Variants in LMF1 observed in about 807,000 individuals in gnomAD.
LMF1 encodes the protein transmembrane protein 112.
In LMF1, 68 loss-of-function variants were observed where a neutral mutation model predicts 60.6. The observed-to-expected ratio is 1.12, with a 90% CI of 0.92 to 1.37. The LOEUF is 1.37. Ranked by LOEUF, LMF1 falls within the 40% of genes most tolerant of loss-of-function variation. The pLI is 0.00. For missense variants in LMF1, 948 were observed against 767.2 expected (o/e 1.24, Z -2.78); for synonymous variants, 418 against 324.7 (o/e 1.29, Z -3.09).
At chr16:886,888 CCCCAGGCCCGGCACTGCCCTTCCTT>C (rs2070323431) in intron 5 of LMF1, 1 of 138,328 alleles carries the variant, frequency 7.2e-6, no homozygotes, top group Non-Finnish European at 1.6e-5. Context: ...CCCCGGCATT[CCCCAGGCCCGGCACTGCCCTTCCTT>C]CCCAGCCCCC....
chr16:910,344 AC>A (rs2071075968), intron 4 of LMF1, among the ~76,000 whole-genome samples: 1 of 151,764 alleles, frequency 6.6e-6, no homozygotes, highest in African/African-American at 2.4e-5. Context: ...GGAACCCGCC[AC>A]CCCCACCCCG....
chr16:870,703 GGGGGAC>G lies in LMF1; in HGVS notation c.1232+20_1232+25del. 1 of 1,611,464 alleles carries G rather than the reference GGGGGAC, an allele frequency of 6.2e-7. No homozygotes were observed. Among genetic ancestry groups the G allele is most frequent in the Non-Finnish European group, 8.5e-7 (1 of 1,179,370 alleles). Reference sequence around the variant, plus strand: ...TGAGTCTCCCCATATACCCAGCTCCGGGGGACGGGGACCCCAGGCTCATACCTTCCG... The same window carrying G: ...TGAGTCTCCCCATATACCCAGCTCCGGGGGACCCCAGGCTCATACCTTCCG... On this transcript the variant is annotated intron_variant, in intron 8 of 10. Transcript: ENST00000262301.
At chr16:909,958 T>A (rs140068966) in intron 4 of LMF1, among the ~76,000 whole-genome samples, 159 of 152,374 alleles carry the variant, frequency 1.0e-3, no homozygotes, top group African/African-American at 3.7e-3. Context: ...TCTTCGTACG[T>A]CTTCAGCGAA....
intron 7 of LMF1, 28 bp downstream of exon 7, chr16:871,133 G>C: frequency 1.3e-6 from 2 of 1,538,030 alleles, no homozygotes; most frequent in Non-Finnish European, 1.8e-6. Context: ...CCTGCCCTTG[G>C]GCAGGGGCCC....
At chr16:918,041 C>A (rs573127331) in intron 3 of LMF1, among the ~76,000 whole-genome samples, 2 of 152,196 alleles carry the variant, frequency 1.3e-5, no homozygotes, top group African/African-American at 4.8e-5. Flanking sequence ...TGGCGCGGGG[C>A]GGCTGGCTGG....
At chr16:957,738 G>A (rs990399269) in intron 1 of LMF1, among the ~76,000 whole-genome samples, 4 of 152,306 alleles carry the variant, frequency 2.6e-5, no homozygotes, top group Non-Finnish European at 2.9e-5. Context: ...AGGAAGAGCC[G>A]CAGAACTCAA....
At chr16:918,132 C>T (rs759467263) in intron 3 of LMF1, among the ~76,000 whole-genome samples, 5 of 152,210 alleles carry the variant, frequency 3.3e-5, no homozygotes, top group African/African-American at 1.2e-4. Context: ...TAAGGGCTTT[C>T]GTGCTTTAGA....
At chr16:927,053 G>A (rs1036515802) in intron 3 of LMF1, among the ~76,000 whole-genome samples, 24 of 152,162 alleles carry the variant, frequency 1.6e-4, no homozygotes, top group Admixed American at 9.2e-4. Flanking sequence ...GCACCCAGGC[G>A]GAGACTCAGG....
chr16:867,346 C>A (rs183456275), intron 10 of LMF1, among the ~76,000 whole-genome samples: 1 of 152,236 alleles, frequency 6.6e-6, no homozygotes, highest in Non-Finnish European at 1.5e-5. Context: ...GATGATCCGA[C>A]TGTGTGCTTG....
chr16:969,882 G>T (rs2073004217), intron 1 of LMF1, among the ~76,000 whole-genome samples: 1 of 152,252 alleles, frequency 6.6e-6, no homozygotes, highest in East Asian at 1.9e-4. Context: ...AACCAGTTCT[G>T]GGTTGTAGGG....
chr16:955,178 TAC>T (rs71142792), intron 1 of LMF1, among the ~76,000 whole-genome samples: 2 of 51,664 alleles, frequency 3.9e-5, no homozygotes, highest in Admixed American at 2.0e-4. Context: ...AGTGTGTGCA[TAC>T]ACACACACAC....
intron 2 of LMF1, among the ~76,000 whole-genome samples, chr16:942,712 T>C (rs773555978): frequency 9.2e-5 from 12 of 130,698 alleles, no homozygotes; most frequent in Non-Finnish European, 1.5e-4. Context: ...TCCAATCACA[T>C]GTATGTTAGA....
At chr16:910,165 C>T (rs1333578509) in intron 4 of LMF1, among the ~76,000 whole-genome samples, 1 of 152,238 alleles carries the variant, frequency 6.6e-6, no homozygotes, top group African/African-American at 2.4e-5. Flanking sequence ...CCACGTCGCT[C>T]CTGCTTTTAA....
At chr16:923,986 T>C (rs897031277) in intron 3 of LMF1, among the ~76,000 whole-genome samples, 2 of 152,100 alleles carry the variant, frequency 1.3e-5, no homozygotes, top group South Asian at 2.1e-4. Flanking sequence ...CCAATCAAAA[T>C]AGAAAAGGCA....
intron 3 of LMF1, among the ~76,000 whole-genome samples, chr16:924,356 TTC>T (rs1337451723): frequency 1.3e-5 from 2 of 152,230 alleles, no homozygotes; most frequent in Admixed American, 1.3e-4. Flanking sequence ...CGGCAAGGGC[TTC>T]TGTTTTTATT....
chr16:922,090 C>G (rs1168899872), intron 3 of LMF1, among the ~76,000 whole-genome samples: 2 of 152,018 alleles, frequency 1.3e-5, no homozygotes, highest in East Asian at 1.9e-4. Context: ...GAGACGCATT[C>G]CAAGCAGCCA....
chr16:962,198 G>C lies in LMF1; in HGVS notation c.194-7532C>G, dbSNP rs1170008917. Reference sequence around the variant, plus strand: ...ACTCACGGTGACAGCACGGGATCACGACCCAGACACAGACTCACGGTGACA... The same window carrying C: ...ACTCACGGTGACAGCACGGGATCACCACCCAGACACAGACTCACGGTGACA... On this transcript the variant is annotated intron_variant, in intron 1 of 10. Coordinates refer to ENST00000262301, the MANE Select transcript of LMF1 (RefSeq NM_022773.4). This position sits in a 1 kb window ranked among gnomAD's most constrained non-coding sequence, Gnocchi z 4.5. Among the ~76,000 whole-genome samples, 2 of 104,240 alleles carry C rather than the reference G, an allele frequency of 1.9e-5. No homozygotes were observed. The highest frequency in any genetic ancestry group is 1.0e-4 in the Admixed American group (1 of 9,636). The allele number at this position is 104,240 out of a possible 152,430, so 68.4% of individuals were successfully genotyped here.
chr16:878,241 G>A lies in LMF1; in HGVS notation c.897+1329C>T, dbSNP rs1263035339. 6.6e-6 allele frequency among the ~76,000 whole-genome samples: 1 copy of A among 152,122 alleles called. No individual in the cohort carries two copies. Among genetic ancestry groups the A allele is most frequent in the Non-Finnish European group, 1.5e-5 (1 of 68,022 alleles). On this transcript the variant is annotated intron_variant, in intron 6 of 10. Transcript: ENST00000262301. The surrounding 1 kb of genome is among the most constrained non-coding windows in gnomAD (Gnocchi z 5.2). ...CGGTCCTGGCTGGGGGACGATCTGT[G>A]AGCAAGTCCGTTCTTCCCACTTAGA...
At chr16:973,345 A>C (rs904342739), upstream of LMF1, among the ~76,000 whole-genome samples, 1 of 152,166 alleles carries the variant, frequency 6.6e-6, no homozygotes, top group Non-Finnish European at 1.5e-5. Flanking sequence ...ACTCTGTCTC[A>C]CTAAAATAAA....
Sources: allele counts gnomAD v4.1 joint callset (sites outside exome capture counted in the v4.1 genomes callset), GRCh38; gene constraint gnomAD v4.1.1; non-coding constraint Gnocchi (gnomAD v3.1); transcripts MANE v1.5; gene names NCBI Gene and HGNC (gene_info 2026-07-23, HGNC 2026-07-21).